Variants in DPP10 observed in about 807,000 individuals in gnomAD.
DPP10 encodes inactive dipeptidyl peptidase 10.
Under a neutral mutation model 120.9 loss-of-function variants are expected in DPP10, and 33 were observed. That is an observed-to-expected ratio of 0.27 (90% CI 0.21 to 0.37). The LOEUF (loss-of-function observed/expected upper bound fraction) is 0.37. Among genes scored for constraint, DPP10 ranks in the 10% least tolerant of loss-of-function variants. The pLI is 1.00. For missense variants in DPP10, 816 were observed against 942.8 expected, an observed-to-expected ratio of 0.87 and a Z score of 1.76; for synonymous variants, 337 against 326.1, an observed-to-expected ratio of 1.03 and a Z score of -0.36.
chr2:114,486,488 C>G (rs1260393593), intron 1 of DPP10, among the ~76,000 whole-genome samples: 1 of 152,070 alleles, frequency 6.6e-6, no homozygotes. Flanking sequence ...TGAACAGCTA[C>G]AAGTAATTTT....
At chr2:114,506,749 C>T (rs1401804952) in intron 1 of DPP10, among the ~76,000 whole-genome samples, 1 of 152,152 alleles carries the variant, frequency 6.6e-6, no homozygotes, top group Non-Finnish European at 1.5e-5. Flanking sequence ...GGAGTCTGAC[C>T]CTGCCAGCAC....
chr2:115,117,367 C>G (rs2049572384), intron 1 of DPP10, among the ~76,000 whole-genome samples: 1 of 152,170 alleles, frequency 6.6e-6, no homozygotes, highest in African/African-American at 2.4e-5. Flanking sequence ...GCCAGCTTTT[C>G]CTGTGGTGTG....
intron 1 of DPP10, among the ~76,000 whole-genome samples, chr2:115,015,622 C>A (rs1057193233): frequency 6.6e-6 from 1 of 152,146 alleles, no homozygotes; most frequent in Non-Finnish European, 1.5e-5. Flanking sequence ...AGCCCAAAAT[C>A]TCCTTAGGCT....
intron 1 of DPP10, among the ~76,000 whole-genome samples, chr2:114,497,745 G>C (rs1260483563): frequency 1.3e-5 from 2 of 152,120 alleles, no homozygotes; most frequent in Non-Finnish European, 2.9e-5. Context: ...TTCTGGCCAA[G>C]GTCTGTTTAA....
chr2:114,544,184 A>G (rs138230424), intron 1 of DPP10, among the ~76,000 whole-genome samples: 8 of 152,320 alleles, frequency 5.3e-5, no homozygotes, highest in East Asian at 3.9e-4. Flanking sequence ...AGAAGAATCA[A>G]TGGGAGAGGT....
intron 3 of DPP10, among the ~76,000 whole-genome samples, chr2:115,493,175 G>A (rs1336721501): frequency 4.6e-5 from 7 of 152,048 alleles, no homozygotes; most frequent in Non-Finnish European, 7.4e-5. Flanking sequence ...AATTGATTGG[G>A]CTGTGTAATG....
At chr2:115,026,598 C>T (rs988855756) in intron 1 of DPP10, among the ~76,000 whole-genome samples, 1 of 152,098 alleles carries the variant, frequency 6.6e-6, no homozygotes, top group Non-Finnish European at 1.5e-5. Flanking sequence ...TGCAGTGGTG[C>T]CATCTCGGCT....
rs543127714 is a variant in DPP10 at position 115,634,852 on chromosome 2, C to T, written c.442-54835C>T. Among the ~76,000 whole-genome samples the T allele has an allele frequency of 3.0e-4, 45 of 152,282 alleles. 2 individuals are homozygous for T. The South Asian group carries it at 9.3e-3, about 32-fold the overall frequency. On this transcript the variant is annotated intron_variant, in intron 5 of 25. Coordinates refer to ENST00000410059, the MANE Select transcript of DPP10 (RefSeq NM_020868.6). ...ACTGATTTGCGAAGACTGCGGCCAC[C>T]CCTCCTTCTAGGGGCTCAGTCCCAG...
intron 1 of DPP10, among the ~76,000 whole-genome samples, chr2:114,767,641 A>T (rs889512892): frequency 6.6e-6 from 1 of 152,190 alleles, no homozygotes; most frequent in Non-Finnish European, 1.5e-5. Context: ...CATAATTTCC[A>T]TGAGGTTCTT....
At chr2:114,883,064 A>T (rs1251772706) in intron 1 of DPP10, among the ~76,000 whole-genome samples, 2 of 152,236 alleles carry the variant, frequency 1.3e-5, no homozygotes, top group Non-Finnish European at 2.9e-5. Flanking sequence ...GCACAGAAAA[A>T]TCAGATGCCA....
At chr2:114,451,140 C>A (rs1678252384) in intron 1 of DPP10, among the ~76,000 whole-genome samples, 1 of 151,666 alleles carries the variant, frequency 6.6e-6, no homozygotes, top group Non-Finnish European at 1.5e-5. Context: ...AGAGACAATG[C>A]AAGGCAGGCA....
chr2:115,375,220 T>A (rs969264602), intron 3 of DPP10, among the ~76,000 whole-genome samples: 1 of 152,212 alleles, frequency 6.6e-6, no homozygotes, highest in East Asian at 1.9e-4. Flanking sequence ...TTGAACGATT[T>A]GCTGCTTAGA....
intron 7 of DPP10, among the ~76,000 whole-genome samples, chr2:115,696,251 G>C (rs985744553): frequency 6.6e-6 from 1 of 151,866 alleles, no homozygotes; most frequent in African/African-American, 2.4e-5. Flanking sequence ...ATAACCAAGA[G>C]CTCAAAAAAT....
At chr2:115,323,660 C>A (rs910679208) in intron 2 of DPP10, among the ~76,000 whole-genome samples, 7 of 152,076 alleles carry the variant, frequency 4.6e-5, no homozygotes, top group African/African-American at 1.7e-4. Flanking sequence ...CTCCTTGATC[C>A]GTAGGCTGCA....
intron 1 of DPP10, among the ~76,000 whole-genome samples, chr2:114,666,419 A>C (rs966738573): frequency 6.6e-6 from 1 of 152,256 alleles, no homozygotes; most frequent in South Asian, 2.1e-4. Flanking sequence ...TCCTTTTCAC[A>C]TAGCTGAACA....
chr2:114,924,956 A>G (rs567681128), intron 1 of DPP10, among the ~76,000 whole-genome samples: 1 of 152,210 alleles, frequency 6.6e-6, no homozygotes, highest in Non-Finnish European at 1.5e-5. Flanking sequence ...TCACGCCAGT[A>G]ATCCCAGCAC....
At position 114,455,093 on chromosome 2, in the gene DPP10, C is replaced by T. The variant is rs181316671; in HGVS notation, c.60+12255C>T. Among the ~76,000 whole-genome samples, 228 of 151,236 alleles carry T rather than the reference C, an allele frequency of 1.5e-3. 2 individuals carry two copies. The highest frequency in any genetic ancestry group is 3.0e-3 in the Non-Finnish European group (201 of 67,866). On this transcript the variant is annotated intron_variant, in intron 1 of 25. Transcript: ENST00000410059. ...ATCACATGGCTTTTATTCCAGAAGA[C>T]GATATCACTATGAGAAAGGAAGCTA...
intron 1 of DPP10, among the ~76,000 whole-genome samples, chr2:115,140,892 G>A (rs181015886): frequency 8.3e-4 from 124 of 148,552 alleles, no homozygotes; most frequent in Non-Finnish European, 1.2e-3. Context: ...TTAGCTATTC[G>A]TGGACAGATC....
At chr2:114,989,904 G>T (rs1238857003) in intron 1 of DPP10, among the ~76,000 whole-genome samples, 1 of 152,164 alleles carries the variant, frequency 6.6e-6, no homozygotes, top group African/African-American at 2.4e-5. Flanking sequence ...AAATGTAAGA[G>T]CAGAGTTTAT....
Sources: allele counts gnomAD v4.1 joint callset (sites outside exome capture counted in the v4.1 genomes callset), GRCh38; gene constraint gnomAD v4.1.1; transcripts MANE v1.5; gene names NCBI Gene and HGNC (gene_info 2026-07-23, HGNC 2026-07-21).